Variants in ALPK1 observed in about 807,000 individuals in gnomAD.
ALPK1 encodes alpha kinase 1.
Under a neutral mutation model 120.6 loss-of-function variants are expected in ALPK1, and 110 were observed. The ratio of observed to expected loss-of-function variants is 0.91; its 90% CI spans 0.78 to 1.07. The LOEUF (loss-of-function observed/expected upper bound fraction) is 1.07, where lower values mean the gene tolerates loss of function less well. Among genes scored for constraint, ALPK1 ranks in the 50% least tolerant of loss-of-function variants. ALPK1 has a pLI of 0.00. For missense variants in ALPK1, 1,498 were observed against 1,483.9 expected (o/e 1.01, Z -0.16); for synonymous variants, 582 against 560.3 (o/e 1.04, Z -0.55).
At chr4:112,366,442 A>G (rs1180804507) in intron 2 of ALPK1, among the ~76,000 whole-genome samples, 1 of 152,092 alleles carries the variant, frequency 6.6e-6, no homozygotes, top group African/African-American at 2.4e-5. Flanking sequence ...AAACATATGG[A>G]AAAAAAATGC....
At chr4:112,358,775 C>T in intron 2 of ALPK1, 1 of 823,818 alleles carries the variant, frequency 1.2e-6, no homozygotes, top group Middle Eastern at 2.2e-4. Context: ...TGAACACGGC[C>T]AAGCTCTTCA....
chr4:112,428,881 G>A (rs575576766), intron 9 of ALPK1, among the ~76,000 whole-genome samples: 1 of 152,158 alleles, frequency 6.6e-6, no homozygotes, highest in Non-Finnish European at 1.5e-5. Context: ...GCTTCAAAAT[G>A]TGCAGTTCCT....
At chr4:112,335,071 A>C (rs1578474698) in intron 2 of ALPK1, among the ~76,000 whole-genome samples, 1 of 152,200 alleles carries the variant, frequency 6.6e-6, no homozygotes, top group East Asian at 1.9e-4. Context: ...CAGCCTAACC[A>C]ACATGAAGAA....
chr4:112,377,116 G>A (rs2148726168), intron 2 of ALPK1, among the ~76,000 whole-genome samples: 1 of 152,268 alleles, frequency 6.6e-6, no homozygotes, highest in South Asian at 2.1e-4. Flanking sequence ...GGGAAATTGG[G>A]TTTTCTAGGA....
chr4:112,366,077 A>C (rs1048969246), intron 2 of ALPK1, among the ~76,000 whole-genome samples: 1 of 152,188 alleles, frequency 6.6e-6, no homozygotes, highest in Non-Finnish European at 1.5e-5. Context: ...TAAAGACTTA[A>C]ATCTAAGACC....
intron 2 of ALPK1, among the ~76,000 whole-genome samples, chr4:112,329,414 G>A (rs560883139): frequency 4.0e-4 from 61 of 152,112 alleles, no homozygotes; most frequent in Admixed American, 9.2e-4. Flanking sequence ...AAACTACAAT[G>A]TTTGTGTTCA....
At chr4:112,310,584 A>G (rs1275059907) in intron 1 of ALPK1, among the ~76,000 whole-genome samples, 1 of 152,100 alleles carries the variant, frequency 6.6e-6, no homozygotes, top group Non-Finnish European at 1.5e-5. Flanking sequence ...GGTTACCTTT[A>G]TCAAGTGTAA....
chr4:112,406,751 T>C lies in ALPK1; in HGVS notation c.277-5076T>C, dbSNP rs546375624. On this transcript the variant is annotated intron_variant, in intron 4 of 15. Transcript: ENST00000650871. ...AGAGGCTGGCCATAAAAAAATTCTC[T>C]GTCCTATCTTGTCTGATAGATTATA... Among the ~76,000 whole-genome samples the C allele has an allele frequency of 5.9e-5, 9 of 152,280 alleles. 1 individual carries two copies. In the East Asian group the frequency reaches 1.2e-3, roughly 20 times the overall value.
chr4:112,408,895 G>C (rs771840602), intron 4 of ALPK1, among the ~76,000 whole-genome samples: 11 of 152,142 alleles, frequency 7.2e-5, no homozygotes, highest in Non-Finnish European at 1.3e-4. Context: ...AGGAACAGAA[G>C]CTCAATCAAG....
intron 2 of ALPK1, chr4:112,359,191 C>A: frequency 1.6e-6 from 1 of 609,282 alleles, no homozygotes; most frequent in Non-Finnish European, 3.0e-6. Context: ...AGGCCACCCC[C>A]CACAGGAGAC....
At position 112,354,472 on chromosome 4, in the gene ALPK1, G is replaced by GT. The variant is rs11440975; in HGVS notation, c.-100-23200dup. On this transcript the variant is annotated intron_variant, in intron 2 of 15. Transcript: ENST00000650871. ...TGTTTTTTGTTTTGTTTTTGTTTTT[G>GT]TTTTTTGTTTTCAGACACAGTCTTA... Among the ~76,000 whole-genome samples the GT allele has an allele frequency of 4.5e-4, 68 of 152,056 alleles. 1 individual carries two copies. Among genetic ancestry groups the GT allele is most frequent in the African/African-American group, 1.5e-3 (62 of 41,478 alleles).
At chr4:112,409,215 C>T (rs771101756) in intron 4 of ALPK1, among the ~76,000 whole-genome samples, 2 of 151,960 alleles carry the variant, frequency 1.3e-5, no homozygotes, top group Non-Finnish European at 2.9e-5. Flanking sequence ...TTGATCTGGT[C>T]GTGGGGTGGA....
At chr4:112,387,477 C>G (rs1732203883) in intron 4 of ALPK1, among the ~76,000 whole-genome samples, 1 of 152,138 alleles carries the variant, frequency 6.6e-6, no homozygotes, top group South Asian at 2.1e-4. Flanking sequence ...GTGGTGCCCA[C>G]TCACGGAGAT....
chr4:112,347,572 G>C (rs966111224), intron 2 of ALPK1, among the ~76,000 whole-genome samples: 1 of 152,108 alleles, frequency 6.6e-6, no homozygotes, highest in African/African-American at 2.4e-5. Flanking sequence ...ATGTTGCTTT[G>C]GAATTTTTTA....
At chr4:112,388,274 T>C (rs1732240875) in intron 4 of ALPK1, among the ~76,000 whole-genome samples, 1 of 152,202 alleles carries the variant, frequency 6.6e-6, no homozygotes, top group African/African-American at 2.4e-5. Context: ...GAGTTGGTTA[T>C]TGCAAGATTG....
chr4:112,362,716 C>T (rs978477476), intron 2 of ALPK1, among the ~76,000 whole-genome samples: 29 of 152,174 alleles, frequency 1.9e-4, no homozygotes, highest in African/African-American at 6.8e-4. Context: ...TAGATATTCA[C>T]ATACAGGAAG....
intron 3 of ALPK1, among the ~76,000 whole-genome samples, chr4:112,381,819 C>G (rs573827158): frequency 2.0e-5 from 3 of 152,230 alleles, no homozygotes; most frequent in South Asian, 4.2e-4. Context: ...GACTTGGTAC[C>G]CATTAAGAGA....
chr4:112,432,646 C>A, intron 11 of ALPK1, 65 bp downstream of exon 11: 1 of 1,460,384 alleles, frequency 6.8e-7, no homozygotes. Flanking sequence ...CTCTGAAGAG[C>A]TTGGTATGTA....
Position 112,423,954 on chromosome 4 carries a change from A to C in ALPK1, c.486A>C (p.Leu162Phe). 6.2e-7 allele frequency: 1 copy of C among 1,613,962 alleles called. No homozygotes were observed. Among genetic ancestry groups the C allele is most frequent in the South Asian group, 1.1e-5 (1 of 91,032 alleles). ...GTTGCTGCTTTTCAGGAAAACTTTTAAAAGCAGAGTATATTCTGAGCAGTC... is the reference window on the plus strand; with the variant it reads ...GTTGCTGCTTTTCAGGAAAACTTTTCAAAGCAGAGTATATTCTGAGCAGTC... ...ARISVNSGKLLKAEYILSSLI... is the reference protein window; with the variant it reads ...ARISVNSGKLFKAEYILSSLI... The change falls in exon 6 of 16, where the codon TTA (leucine) becomes TTC (phenylalanine). Residue 162 changes from leucine to phenylalanine, a missense_variant. Physicochemically the swap from Leu to Phe is conservative, Grantham distance 22. Coordinates refer to ENST00000650871, the MANE Select transcript of ALPK1 (RefSeq NM_025144.4).
Sources: allele counts gnomAD v4.1 joint callset (sites outside exome capture counted in the v4.1 genomes callset), GRCh38; gene constraint gnomAD v4.1.1; transcripts MANE v1.5; gene names NCBI Gene and HGNC (gene_info 2026-07-23, HGNC 2026-07-21).